Variants in TENM1 observed in about 807,000 individuals in gnomAD.
TENM1 encodes the protein teneurin-1.
TENM1 carries 35 observed loss-of-function variants against 174.8 expected under a neutral mutation model. That is an observed-to-expected ratio of 0.20 (90% CI 0.15 to 0.27). The LOEUF is 0.27. TENM1 is among the 10% of genes least tolerant of loss of function. TENM1 has a pLI of 1.00. For missense variants in TENM1, 1,633 were observed against 2,130.1 expected (o/e 0.77, Z 4.59); for synonymous variants, 781 against 798.7 (o/e 0.98, Z 0.37).
chrX:124,401,140 A>C (rs781247866), intron 27 of TENM1, among the ~76,000 whole-genome samples: 12 of 111,513 alleles, frequency 1.1e-4, no homozygotes, highest in Non-Finnish European at 2.1e-4. Context: ...AAAAAAAATC[A>C]CTGATTATTC....
chrX:124,868,119 C>G (rs767846896), intron 3 of TENM1, among the ~76,000 whole-genome samples: 1 of 110,657 alleles, frequency 9.0e-6, no homozygotes, highest in South Asian at 3.8e-4. Flanking sequence ...TTCACAGAAA[C>G]AGAAAAAAAA....
chrX:125,123,168 A>G, the TENM1 span, among the ~76,000 whole-genome samples: 1 of 111,928 alleles, frequency 8.9e-6, no homozygotes, highest in Non-Finnish European at 1.9e-5. Flanking sequence ...AGTAATTTGT[A>G]CCAGAATATC....
chrX:124,452,782 C>T (rs1475445888), intron 23 of TENM1, among the ~76,000 whole-genome samples: 2 of 102,764 alleles, frequency 1.9e-5, no homozygotes, highest in African/African-American at 3.6e-5. Flanking sequence ...AACCAAACAT[C>T]GCATGTTCTC....
intron 3 of TENM1, among the ~76,000 whole-genome samples, chrX:124,758,602 T>TGGC (rs2054326970): frequency 8.9e-6 from 1 of 111,977 alleles, no homozygotes; most frequent in Non-Finnish European, 1.9e-5. Context: ...TCCATTGTAT[T>TGGC]ACTCAGGACA....
chrX:124,726,217 C>A (rs934818827), intron 4 of TENM1, among the ~76,000 whole-genome samples: 1 of 112,129 alleles, frequency 8.9e-6, no homozygotes, highest in Non-Finnish European at 1.9e-5. Flanking sequence ...GCATTCTTTC[C>A]CTATAAAATG....
chrX:125,037,375 G>A, the TENM1 span, among the ~76,000 whole-genome samples: 731 of 110,307 alleles, frequency 6.6e-3, 2 homozygotes, highest in African/African-American at 0.022. Context: ...ACCTTAACTT[G>A]CACTATAACA....
intron 11 of TENM1, among the ~76,000 whole-genome samples, chrX:124,611,242 G>A (rs2050271320): frequency 8.9e-6 from 1 of 111,735 alleles, no homozygotes; most frequent in South Asian, 3.7e-4. Context: ...GGAGATTTGT[G>A]CAATGGCTCT....
chrX:124,789,956 A>G (rs1173682007), intron 3 of TENM1, among the ~76,000 whole-genome samples: 2 of 111,832 alleles, frequency 1.8e-5, no homozygotes, highest in Non-Finnish European at 3.8e-5. Context: ...CATACCCAAG[A>G]CTGGGCAATT....
At chrX:125,050,557 C>A in the TENM1 span, among the ~76,000 whole-genome samples, 2 of 111,784 alleles carry the variant, frequency 1.8e-5, no homozygotes, top group African/African-American at 3.3e-5. Context: ...AACCCAGTCT[C>A]TCATTGTTGG....
chrX:124,496,883 C>T lies in TENM1; in HGVS notation c.3695+133G>A, dbSNP rs143926524. On this transcript the variant is annotated intron_variant, in intron 20 of 31. Coordinates refer to ENST00000422452, the Ensembl canonical transcript of TENM1. ...AGCATGTTGACCTTTGTCCCTATTC[C>T]TGCATCTTAACTCAGTGCTACAATA... 384 of 622,478 alleles carry T rather than the reference C, an allele frequency of 6.2e-4. No homozygotes were observed. The African/African-American group carries it at 7.8e-3, about 13-fold the overall frequency. The allele number at this position is 622,478 out of a possible 1,213,427, so 51.3% of individuals were successfully genotyped here.
At chrX:124,661,388 C>G (rs919488363) in intron 6 of TENM1, among the ~76,000 whole-genome samples, 1 of 112,110 alleles carries the variant, frequency 8.9e-6, no homozygotes, top group Non-Finnish European at 1.9e-5. Context: ...AGCATATACA[C>G]AAAAACCATC....
chrX:124,542,386 C>G (rs1602628873), intron 15 of TENM1, among the ~76,000 whole-genome samples: 1 of 108,067 alleles, frequency 9.3e-6, no homozygotes, highest in South Asian at 4.0e-4. Context: ...GCAGCAATTC[C>G]AAAGAAAGCT....
chrX:125,181,486 A>C, the TENM1 span, among the ~76,000 whole-genome samples: 4 of 111,148 alleles, frequency 3.6e-5, no homozygotes, highest in African/African-American at 1.3e-4. Flanking sequence ...TCAATTTCAC[A>C]CTCTACTTAA....
intron 5 of TENM1, among the ~76,000 whole-genome samples, chrX:124,688,160 G>T (rs1402728335): frequency 9.7e-6 from 1 of 102,721 alleles, no homozygotes; most frequent in African/African-American, 3.6e-5. Flanking sequence ...ATAGCATGCT[G>T]GCTATAGTTA....
intron 12 of TENM1, among the ~76,000 whole-genome samples, chrX:124,564,597 C>T (rs948093766): frequency 1.8e-5 from 2 of 111,552 alleles, no homozygotes; most frequent in Non-Finnish European, 3.8e-5. Flanking sequence ...TAATGACAAC[C>T]TTTCTATGCA....
the TENM1 span, among the ~76,000 whole-genome samples, chrX:125,186,475 T>C: frequency 9.0e-6 from 1 of 110,800 alleles, no homozygotes; most frequent in Non-Finnish European, 1.9e-5. Context: ...TGGGGCCTGG[T>C]ACGAGGTGTT....
chrX:124,720,200 G>A (rs2053278491), intron 4 of TENM1, among the ~76,000 whole-genome samples: 1 of 111,896 alleles, frequency 8.9e-6, no homozygotes, highest in African/African-American at 3.3e-5. Context: ...AAGCCATGAT[G>A]GAAGATGGAG....
At chrX:124,439,445 T>C (rs1040584247) in intron 23 of TENM1, among the ~76,000 whole-genome samples, 2 of 111,882 alleles carry the variant, frequency 1.8e-5, no homozygotes, top group African/African-American at 6.5e-5. Flanking sequence ...AGAAAGAAGA[T>C]GAAGTATTTG....
chrX:124,698,854 A>G (rs2052709685), intron 5 of TENM1, among the ~76,000 whole-genome samples: 1 of 111,559 alleles, frequency 9.0e-6, no homozygotes, highest in African/African-American at 3.2e-5. Context: ...TGAACCCTAA[A>G]TGGATAAGCC....
Sources: allele counts gnomAD v4.1 joint callset (sites outside exome capture counted in the v4.1 genomes callset), GRCh38; gene constraint gnomAD v4.1.1; transcripts MANE v1.5; gene names NCBI Gene and HGNC (gene_info 2026-07-23, HGNC 2026-07-21).